DPYD: variants seen among roughly 807,000 people sequenced by gnomAD.
DPYD encodes the protein dihydropyrimidine dehydrogenase.
DPYD carries 109 observed loss-of-function variants against 116.2 expected under a neutral mutation model. The observed-to-expected ratio is 0.94, with a 90% CI of 0.80 to 1.10. DPYD has a LOEUF of 1.10. Among genes scored for constraint, DPYD ranks in the 50% least tolerant of loss-of-function variants. DPYD has a pLI of 0.00. For missense variants in DPYD, 1,302 were observed against 1,254.5 expected (o/e 1.04, Z -0.57); for synonymous variants, 440 against 432.0 (o/e 1.02, Z -0.23).
chr1:97,652,491 T>C lies in DPYD; in HGVS notation c.850+26604A>G, dbSNP rs149189679. ...GTGCTAATAACTTTACACATGGATA[T>C]GGCCCCCTTCCCAGTAAATTTATAA... On this transcript the variant is annotated intron_variant, in intron 8 of 22. Coordinates refer to ENST00000370192, the MANE Select transcript of DPYD (RefSeq NM_000110.4). Among the ~76,000 whole-genome samples, 185 of 152,322 alleles carry C rather than the reference T, an allele frequency of 1.2e-3. 1 individual carries two copies. The East Asian group carries it at 0.014, about 11-fold the overall frequency.
chr1:97,540,392 C>CAA (rs964377668), intron 12 of DPYD, among the ~76,000 whole-genome samples: 1 of 147,930 alleles, frequency 6.8e-6, no homozygotes, highest in Non-Finnish European at 1.5e-5. Context: ...CAAAACAAAA[C>CAA]AAAAACCAAA....
At chr1:97,640,420 T>C (rs79607352) in intron 8 of DPYD, among the ~76,000 whole-genome samples, 13,432 of 152,204 alleles carry the variant, frequency 0.088, 815 homozygotes, top group Non-Finnish European at 0.12. Flanking sequence ...GCAGTTCTCC[T>C]GCCTCAGCCT....
At chr1:97,669,554 T>C (rs1013186185) in intron 8 of DPYD, among the ~76,000 whole-genome samples, 1 of 152,168 alleles carries the variant, frequency 6.6e-6, no homozygotes, top group Non-Finnish European at 1.5e-5. Flanking sequence ...AAAATAGATT[T>C]ACTTAAAATA....
At position 97,113,248 on chromosome 1, in the gene DPYD, G is replaced by C. The variant is rs115237965; in HGVS notation, c.2623-14616C>G. 8.3e-3 allele frequency among the ~76,000 whole-genome samples: 1,265 copies of C among 152,102 alleles called. 21 individuals carry two copies. Among genetic ancestry groups the C allele is most frequent in the African/African-American group, 0.029 (1,214 of 41,506 alleles). On this transcript the variant is annotated intron_variant, in intron 20 of 22. Transcript: ENST00000370192. ...CTATAGAAAGATTTAAAGCTACAGC[G>C]GGCTCTCTGTTATCTAGGGATGGTT...
Position 97,788,421 on chromosome 1 carries a change from C to T in DPYD, c.233+39693G>A, listed in dbSNP as rs140255907. Reference sequence around the variant, plus strand: ...GAAAGATGCCAGATACCTTAGCTGACGATCAGTACCAACTGTCAACTACAT... The same window carrying T: ...GAAAGATGCCAGATACCTTAGCTGATGATCAGTACCAACTGTCAACTACAT... On this transcript the variant is annotated intron_variant, in intron 3 of 22. Coordinates refer to ENST00000370192, the MANE Select transcript of DPYD (RefSeq NM_000110.4). 2.8e-3 allele frequency among the ~76,000 whole-genome samples: 425 copies of T among 152,276 alleles called. 2 individuals are homozygous for T. Among genetic ancestry groups the T allele is most frequent in the African/African-American group, 9.6e-3 (399 of 41,556 alleles).
chr1:97,685,407 G>T (rs991758662), intron 7 of DPYD, among the ~76,000 whole-genome samples: 1 of 152,120 alleles, frequency 6.6e-6, no homozygotes, highest in African/African-American at 2.4e-5. Context: ...GCAAAAGCTG[G>T]AAGCATTCCC....
At chr1:97,689,137 C>T (rs1267118325) in intron 7 of DPYD, among the ~76,000 whole-genome samples, 1 of 139,182 alleles carries the variant, frequency 7.2e-6, no homozygotes, top group African/African-American at 2.7e-5. Flanking sequence ...AAATAACAAA[C>T]AAAATTATCT....
chr1:97,545,828 C>T, intron 12 of DPYD: 2 of 1,238,602 alleles, frequency 1.6e-6, no homozygotes, highest in Non-Finnish European at 2.4e-6. Context: ...TTTAAGTCTC[C>T]CCTTCTGCAG....
chr1:97,234,250 A>G (rs1661762171), intron 19 of DPYD, among the ~76,000 whole-genome samples: 1 of 152,144 alleles, frequency 6.6e-6, no homozygotes. Flanking sequence ...TAAAAAGTAT[A>G]TGAATACTTT....
intron 8 of DPYD, among the ~76,000 whole-genome samples, chr1:97,599,815 G>A (rs1310137245): frequency 8.0e-6 from 1 of 125,786 alleles, no homozygotes; most frequent in East Asian, 2.6e-4. Context: ...CTTGAGGTCA[G>A]GAATTCGAGA....
At chr1:97,114,434 C>A (rs192854617) in intron 20 of DPYD, among the ~76,000 whole-genome samples, 1 of 152,200 alleles carries the variant, frequency 6.6e-6, no homozygotes, top group East Asian at 1.9e-4. Context: ...AATATTTGTT[C>A]CTTCAAAGAA....
intron 20 of DPYD, among the ~76,000 whole-genome samples, chr1:97,121,815 G>C (rs1202846025): frequency 6.6e-6 from 1 of 152,128 alleles, no homozygotes; most frequent in Non-Finnish European, 1.5e-5. Context: ...TCGAAAAAAG[G>C]CTTCAGCTAT....
intron 7 of DPYD, among the ~76,000 whole-genome samples, chr1:97,690,067 C>G (rs1052677299): frequency 2.9e-4 from 44 of 152,030 alleles, no homozygotes; most frequent in Non-Finnish European, 5.9e-4. Context: ...CACACCTTCT[C>G]AAAGGCAATC....
At chr1:97,847,633 T>C (rs563983977) in intron 2 of DPYD, among the ~76,000 whole-genome samples, 26 of 152,292 alleles carry the variant, frequency 1.7e-4, no homozygotes, top group African/African-American at 5.8e-4. Context: ...AATTCAATTA[T>C]GTTTAAAATT....
intron 19 of DPYD, among the ~76,000 whole-genome samples, chr1:97,232,384 T>C (rs144776400): frequency 6.6e-4 from 101 of 152,338 alleles, no homozygotes; most frequent in Non-Finnish European, 9.0e-4. Flanking sequence ...TATGGATTTC[T>C]TTGAAGCTGC....
chr1:97,130,027 T>A (rs1221400925), intron 20 of DPYD, among the ~76,000 whole-genome samples: 1 of 152,216 alleles, frequency 6.6e-6, no homozygotes, highest in Non-Finnish European at 1.5e-5. Flanking sequence ...AGGCACTCAC[T>A]GCCTTTAAAT....
At chr1:97,915,071 A>G (rs1204580072) in intron 1 of DPYD, among the ~76,000 whole-genome samples, 5 of 152,178 alleles carry the variant, frequency 3.3e-5, no homozygotes, top group Non-Finnish European at 4.4e-5. Context: ...TATGTGACAA[A>G]TGCTGTCTGA....
intron 5 of DPYD, among the ~76,000 whole-genome samples, chr1:97,719,605 C>T (rs952531755): frequency 4.0e-5 from 6 of 151,556 alleles, no homozygotes; most frequent in South Asian, 4.2e-4. Flanking sequence ...TCAGTGAAAA[C>T]GGAGTTACTC....
chr1:97,705,284 C>T (rs1230897362), intron 5 of DPYD, among the ~76,000 whole-genome samples: 1 of 151,992 alleles, frequency 6.6e-6, no homozygotes, highest in African/African-American at 2.4e-5. Flanking sequence ...CCTCCCCGCT[C>T]CCCCCAACCA....
Sources: gnomAD v4.1 joint callset for allele counts (sites outside exome capture counted in the v4.1 genomes callset) on GRCh38, gnomAD v4.1.1 for gene constraint, MANE v1.5 for transcripts, NCBI Gene and HGNC (gene_info 2026-07-23, HGNC 2026-07-21) for gene names.